SPHKAP: variants seen among roughly 807,000 people sequenced by gnomAD.
The protein encoded by SPHKAP is A-kinase anchor protein SPHKAP.
SPHKAP carries 67 observed loss-of-function variants against 137.5 expected under a neutral mutation model. The ratio of observed to expected loss-of-function variants is 0.49; its 90% confidence interval spans 0.40 to 0.60. SPHKAP has a LOEUF of 0.60. Ranked by LOEUF, SPHKAP falls within the 20% of genes least tolerant of loss-of-function variation. SPHKAP has a pLI of 0.00. For synonymous variants in SPHKAP, 813 were observed against 785.3 expected (o/e 1.04, Z -0.59); for missense variants, 2,097 against 2,069.3 (o/e 1.01, Z -0.26).
chr2:228,102,796 G>A (rs1698219484), intron 3 of SPHKAP, among the ~76,000 whole-genome samples: 1 of 152,106 alleles, frequency 6.6e-6, no homozygotes, highest in Non-Finnish European at 1.5e-5. Context: ...CGGCTGGAGT[G>A]CAATGGTGTG....
At position 228,017,312 on chromosome 2, in the gene SPHKAP, G is replaced by C; in HGVS notation, c.3542C>G (p.Pro1181Arg). The C allele has an allele frequency of 6.2e-7, 1 of 1,613,912 alleles. No individual in the cohort carries two copies. Among genetic ancestry groups the C allele is most frequent in the Admixed American group, 1.7e-5 (1 of 60,026 alleles). ...SDHLSVRPSC[P>R]SKQSSTESIT... ...GCTCTCTGTGCTGGACTGCTTAGAG[G>C]GACAGCTAGGCCTCACACTGAGGTG... The change falls in exon 7 of 12, where the codon CCC (proline) becomes CGC (arginine). Residue 1181 changes from proline to arginine, a missense_variant. By Grantham distance (103) the Pro-to-Arg change is moderately radical. Transcript: ENST00000392056.
At chr2:228,144,372 T>C (rs1699708058) in intron 1 of SPHKAP, among the ~76,000 whole-genome samples, 1 of 152,208 alleles carries the variant, frequency 6.6e-6, no homozygotes, top group Admixed American at 6.5e-5. Context: ...TTCCACGATG[T>C]AGTTCCAGTC....
At chr2:228,048,452 C>T (rs553950228) in intron 3 of SPHKAP, among the ~76,000 whole-genome samples, 2 of 152,258 alleles carry the variant, frequency 1.3e-5, no homozygotes, top group Non-Finnish European at 2.9e-5. Flanking sequence ...TAGTCCTTGA[C>T]CTCTAAATTC....
chr2:228,021,692 C>G lies in SPHKAP; in HGVS notation c.697+19G>C. On this transcript the variant is annotated intron_variant, in intron 6 of 11. Coordinates refer to ENST00000392056, the MANE Select transcript of SPHKAP (RefSeq NM_001142644.2). ...ATACGGGGACTAATTTCAGGAGGCACTAATTGGAAAGTTCTCACCGTTCCT... is the reference window on the plus strand; with the variant it reads ...ATACGGGGACTAATTTCAGGAGGCAGTAATTGGAAAGTTCTCACCGTTCCT... 1 of 1,569,982 alleles carries G rather than the reference C, an allele frequency of 6.4e-7. No individual in the cohort carries two copies. The highest frequency in any genetic ancestry group is 1.9e-5 in the Admixed American group (1 of 53,682).
chr2:228,057,049 G>T (rs555633690), intron 3 of SPHKAP, among the ~76,000 whole-genome samples: 10 of 152,268 alleles, frequency 6.6e-5, no homozygotes, highest in African/African-American at 2.2e-4. Flanking sequence ...AAGGAAGCGA[G>T]GCATGGCTGA....
At chr2:228,164,136 C>G (rs1382096700) in intron 1 of SPHKAP, among the ~76,000 whole-genome samples, 1 of 152,188 alleles carries the variant, frequency 6.6e-6, no homozygotes, top group Non-Finnish European at 1.5e-5. Flanking sequence ...CCTTCTTTCT[C>G]CTGGGCTGGA....
chr2:228,078,048 A>G (rs534585527), intron 3 of SPHKAP, among the ~76,000 whole-genome samples: 1 of 152,292 alleles, frequency 6.6e-6, no homozygotes, highest in African/African-American at 2.4e-5. Context: ...ATAAGGTGTG[A>G]CTTGCTCCTC....
intron 1 of SPHKAP, among the ~76,000 whole-genome samples, chr2:228,155,223 C>T (rs1168929648): frequency 6.6e-6 from 1 of 150,942 alleles, no homozygotes; most frequent in Non-Finnish European, 1.5e-5. Context: ...TACCATTGTT[C>T]ATTTTTTTTT....
chr2:228,087,217 G>A (rs1697567677), intron 3 of SPHKAP, among the ~76,000 whole-genome samples: 1 of 152,162 alleles, frequency 6.6e-6, no homozygotes, highest in Non-Finnish European at 1.5e-5. Context: ...GCTTCACACT[G>A]CATTGGGGAA....
intron 7 of SPHKAP, among the ~76,000 whole-genome samples, chr2:227,999,546 T>C (rs547539625): frequency 3.3e-5 from 5 of 152,330 alleles, no homozygotes; most frequent in African/African-American, 1.2e-4. Flanking sequence ...TCTCATGTTA[T>C]TAGAAACATT....
At chr2:228,041,550 A>G (rs1695840759) in intron 3 of SPHKAP, among the ~76,000 whole-genome samples, 1 of 151,266 alleles carries the variant, frequency 6.6e-6, no homozygotes, top group East Asian at 2.0e-4. Flanking sequence ...AGGCTGAGGC[A>G]GGAGAATCGC....
rs1378716301 is a variant in SPHKAP at position 228,019,259 on chromosome 2, C to T, written c.1595G>A (p.Ser532Asn). ...TGCTTGAGTTTGCAGTGCACCACTGCTCCCTGGGGGAAAGTTCGAGACCAC... is the reference window on the plus strand; with the variant it reads ...TGCTTGAGTTTGCAGTGCACCACTGTTCCCTGGGGGAAAGTTCGAGACCAC... ...EQVVSNFPPG[S>N]SGALQTQAPQ... is the part of the protein sequence containing the mutation. Residue 532 changes from serine (S) to asparagine (N), a missense_variant, in exon 7 of 12, where the codon AGC becomes AAC. Transcript: ENST00000392056. The T allele has an allele frequency of 1.2e-6, 2 of 1,613,964 alleles. No individual in the cohort carries two copies. The highest frequency in any genetic ancestry group is 1.1e-5 in the South Asian group (1 of 91,084).
chr2:228,029,976 C>A (rs1037614862), intron 3 of SPHKAP, among the ~76,000 whole-genome samples: 1 of 152,160 alleles, frequency 6.6e-6, no homozygotes, highest in African/African-American at 2.4e-5. Context: ...TGCCCTCCAA[C>A]ATTTTCTTTA....
At chr2:228,172,834 G>A (rs1332624441) in intron 1 of SPHKAP, among the ~76,000 whole-genome samples, 2 of 152,174 alleles carry the variant, frequency 1.3e-5, no homozygotes, top group East Asian at 3.9e-4. Flanking sequence ...GAGAAATGAA[G>A]CAAGTCACAC....
At chr2:228,036,311 T>C (rs947273423) in intron 3 of SPHKAP, among the ~76,000 whole-genome samples, 1 of 152,132 alleles carries the variant, frequency 6.6e-6, no homozygotes, top group African/African-American at 2.4e-5. Flanking sequence ...ATCAGAGAAA[T>C]GCAAAGCAAA....
intron 1 of SPHKAP, among the ~76,000 whole-genome samples, chr2:228,141,337 G>A (rs191995069): frequency 6.6e-5 from 10 of 152,212 alleles, no homozygotes; most frequent in African/African-American, 2.4e-4. Context: ...GTGGTTTCAT[G>A]GTGCTATTTC....
Position 228,019,302 on chromosome 2 carries a change from T to C in SPHKAP, c.1552A>G (p.Arg518Gly). ...GAGACCACTTGCTCCATTTTGAGTCTTTCTGTGGCCTGTGGACTGGAAATA... is the reference window on the plus strand; with the variant it reads ...GAGACCACTTGCTCCATTTTGAGTCCTTCTGTGGCCTGTGGACTGGAAATA... ...GTISSPQATE[R>G]LKMEQVVSNF... Residue 518 changes from arginine (R) to glycine (G), a missense_variant, in exon 7 of 12, where the codon AGA becomes GGA. Physicochemically the swap from Arg to Gly is moderately radical, Grantham distance 125. Transcript: ENST00000392056. The C allele has an allele frequency of 1.2e-6, 2 of 1,614,116 alleles. No individual in the cohort carries two copies. The highest frequency in any genetic ancestry group is 1.7e-6 in the Non-Finnish European group (2 of 1,180,018).
At chr2:228,076,852 A>C (rs1329322876) in intron 3 of SPHKAP, among the ~76,000 whole-genome samples, 1 of 152,170 alleles carries the variant, frequency 6.6e-6, no homozygotes, top group East Asian at 1.9e-4. Context: ...CAACAGGGAA[A>C]ATGTCTCCAG....
At chr2:228,142,086 G>A (rs1699622998) in intron 1 of SPHKAP, among the ~76,000 whole-genome samples, 1 of 152,166 alleles carries the variant, frequency 6.6e-6, no homozygotes, top group Non-Finnish European at 1.5e-5. Context: ...CATGGAATGG[G>A]ACTCTGGCTT....
Sources: allele counts gnomAD v4.1 joint callset (sites outside exome capture counted in the v4.1 genomes callset), GRCh38; gene constraint gnomAD v4.1.1; transcripts MANE v1.5; gene names NCBI Gene and HGNC (gene_info 2026-07-23, HGNC 2026-07-21).